The following GRIA4 variants were observed in gnomAD, a reference collection of about 807,000 sequenced individuals.
The protein encoded by GRIA4 is glutamate ionotropic receptor AMPA type subunit 4, also known as glutamate receptor 4.
In GRIA4, 34 loss-of-function variants were observed where a neutral mutation model predicts 104.0. The observed-to-expected ratio is 0.33, with a 90% CI of 0.25 to 0.44. The LOEUF (loss-of-function observed/expected upper bound fraction) is 0.44. GRIA4 is among the 20% of genes least tolerant of loss of function. The pLI, the probability that GRIA4 is intolerant of heterozygous loss-of-function variation, is 1.00. For missense variants in GRIA4, 750 were observed against 1,096.5 expected (o/e 0.68, Z 4.46); for synonymous variants, 386 against 381.9 (o/e 1.01, Z -0.13).
chr11:105,626,012 T>C lies in GRIA4; in HGVS notation c.247+13578T>C, dbSNP rs72991712. Among the ~76,000 whole-genome samples, 1,128 of 152,256 alleles carry C rather than the reference T, an allele frequency of 7.4e-3. 7 individuals carry two copies. Among genetic ancestry groups the C allele is most frequent in the Non-Finnish European group, 0.012 (788 of 67,984 alleles). On this transcript the variant is annotated intron_variant, in intron 3 of 16. Coordinates refer to ENST00000282499, the MANE Select transcript of GRIA4 (RefSeq NM_000829.4). ...TTATTATCCATATTGCTGATTAAAA[T>C]GCAGAAAAGGTTGTGGTATAGGATA... is the stretch of plus-strand genomic sequence containing the variant.
chr11:105,975,680 C>A (rs755267923), intron 16 of GRIA4, among the ~76,000 whole-genome samples: 14 of 152,034 alleles, frequency 9.2e-5, no homozygotes, highest in Non-Finnish European at 1.9e-4. Context: ...ATATTTGGTA[C>A]TTGATGTACC....
At chr11:105,729,819 T>TA (rs1445300489) in intron 3 of GRIA4, among the ~76,000 whole-genome samples, 1 of 152,188 alleles carries the variant, frequency 6.6e-6, no homozygotes, top group African/African-American at 2.4e-5. Flanking sequence ...CTCTTCATGC[T>TA]AAAAACACTC....
chr11:105,945,505 A>G, intron 14 of GRIA4: 1 of 948,558 alleles, frequency 1.1e-6, no homozygotes, highest in Non-Finnish European at 1.3e-6. Flanking sequence ...GACCAAGGTA[A>G]GAGGGGAGTT....
At chr11:105,887,376 T>C in intron 5 of GRIA4, 143 bp from the exon 6 acceptor site, 1 of 481,850 alleles carries the variant, frequency 2.1e-6, no homozygotes, top group East Asian at 3.5e-5. Flanking sequence ...CTTCTAACTA[T>C]AGTACGTGAC....
chr11:105,744,006 T>C (rs1939493310), intron 3 of GRIA4, among the ~76,000 whole-genome samples: 1 of 152,196 alleles, frequency 6.6e-6, no homozygotes, highest in East Asian at 1.9e-4. Context: ...TACTGGTTTG[T>C]ATGTCTTTAA....
chr11:105,852,145 T>C (rs912444721), intron 4 of GRIA4, among the ~76,000 whole-genome samples: 2 of 152,198 alleles, frequency 1.3e-5, no homozygotes, highest in Non-Finnish European at 2.9e-5. Flanking sequence ...CTTAGGTTTC[T>C]GACTAAAGTG....
chr11:105,776,686 AT>A (rs1941465118), intron 4 of GRIA4, among the ~76,000 whole-genome samples: 1 of 152,068 alleles, frequency 6.6e-6, no homozygotes, highest in African/African-American at 2.4e-5. Flanking sequence ...TTGAACCACC[AT>A]TTCCATGGTT....
At chr11:105,772,886 G>T (rs1363312830) in intron 4 of GRIA4, among the ~76,000 whole-genome samples, 2 of 151,986 alleles carry the variant, frequency 1.3e-5, no homozygotes, top group Non-Finnish European at 2.9e-5. Flanking sequence ...TCATAGCTTT[G>T]AAGACATTTA....
chr11:105,793,886 A>G (rs1942335217), intron 4 of GRIA4, among the ~76,000 whole-genome samples: 1 of 152,156 alleles, frequency 6.6e-6, no homozygotes, highest in African/African-American at 2.4e-5. Context: ...TTTGAACACC[A>G]AAGGATGTTT....
intron 3 of GRIA4, among the ~76,000 whole-genome samples, chr11:105,717,369 T>C (rs1265535361): frequency 1.3e-5 from 2 of 152,152 alleles, no homozygotes; most frequent in East Asian, 3.8e-4. Flanking sequence ...TAAGCCACTC[T>C]AGCAGTTATT....
chr11:105,642,990 T>A (rs1034269571), intron 3 of GRIA4, among the ~76,000 whole-genome samples: 2 of 152,120 alleles, frequency 1.3e-5, no homozygotes, highest in Non-Finnish European at 2.9e-5. Flanking sequence ...CTTCTTCACA[T>A]GGCAGCAGCA....
chr11:105,658,761 G>A (rs955179104), intron 3 of GRIA4, among the ~76,000 whole-genome samples: 6 of 151,770 alleles, frequency 4.0e-5, no homozygotes, highest in African/African-American at 1.5e-4. Context: ...TGAATTTTTT[G>A]AGGAAATTTC....
chr11:105,841,517 C>A (rs556116327), intron 4 of GRIA4, among the ~76,000 whole-genome samples: 1 of 151,844 alleles, frequency 6.6e-6, no homozygotes, highest in Non-Finnish European at 1.5e-5. Flanking sequence ...TAGTGTGGAG[C>A]GTTTTCTGGG....
At chr11:105,936,493 T>G (rs1948039175) in intron 14 of GRIA4, among the ~76,000 whole-genome samples, 1 of 152,182 alleles carries the variant, frequency 6.6e-6, no homozygotes, top group Admixed American at 6.5e-5. Context: ...TCACAAACTC[T>G]GCTATTCAGA....
At chr11:105,825,141 A>G (rs186582289) in intron 4 of GRIA4, among the ~76,000 whole-genome samples, 1 of 152,192 alleles carries the variant, frequency 6.6e-6, no homozygotes, top group African/African-American at 2.4e-5. Flanking sequence ...GAAATCACCC[A>G]AGAATCAGTA....
chr11:105,650,969 G>A (rs1225089106), intron 3 of GRIA4, among the ~76,000 whole-genome samples: 5 of 152,112 alleles, frequency 3.3e-5, no homozygotes, highest in Admixed American at 3.3e-4. Context: ...GTGGTTGTTT[G>A]TGCAAACATT....
intron 3 of GRIA4, among the ~76,000 whole-genome samples, chr11:105,634,513 G>GA (rs766783212): frequency 0.39 from 24,408 of 61,810 alleles, 3,376 homozygotes; most frequent in South Asian, 0.46. Flanking sequence ...AAGAAAGAAA[G>GA]AAGAAAGAAA....
At chr11:105,935,405 T>G (rs1217015890) in intron 14 of GRIA4, among the ~76,000 whole-genome samples, 1 of 152,168 alleles carries the variant, frequency 6.6e-6, no homozygotes. Flanking sequence ...TAATATATTC[T>G]ACCCAAAAAC....
chr11:105,715,661 T>C (rs142414153), intron 3 of GRIA4, among the ~76,000 whole-genome samples: 2 of 152,322 alleles, frequency 1.3e-5, no homozygotes, highest in African/African-American at 4.8e-5. Context: ...CTAGTTAGAA[T>C]AGGCTAAGCT....
Sources: allele counts gnomAD v4.1 joint callset (sites outside exome capture counted in the v4.1 genomes callset), GRCh38; gene constraint gnomAD v4.1.1; transcripts MANE v1.5; gene names NCBI Gene and HGNC (gene_info 2026-07-23, HGNC 2026-07-21).